Variants in SLC12A3 observed in about 807,000 individuals in gnomAD.
The protein encoded by SLC12A3 is solute carrier family 12 member 3, also known as Na-Cl cotransporter.
Under a neutral mutation model 121.0 loss-of-function variants are expected in SLC12A3, and 104 were observed. That is an observed-to-expected ratio of 0.86 (90% CI 0.73 to 1.01). The LOEUF is 1.01. SLC12A3 is among the 50% of genes least tolerant of loss of function. The pLI, the probability that SLC12A3 is intolerant of heterozygous loss-of-function variation, is 0.00. For synonymous variants in SLC12A3, 536 were observed against 533.4 expected, an observed-to-expected ratio of 1.00 and a Z score of -0.07; for missense variants, 1,328 against 1,356.3, an observed-to-expected ratio of 0.98 and a Z score of 0.33.
At chr16:56,904,976 T>C (rs1202785835) in intron 25 of SLC12A3, 1 of 221,178 alleles carries the variant, frequency 4.5e-6, no homozygotes, top group Non-Finnish European at 9.1e-6. Flanking sequence ...GCAAGCAGAA[T>C]GTGGGATGGA....
intron 10 of SLC12A3, 33 bp downstream of exon 10, chr16:56,879,260 G>T (rs373005982): frequency 1.2e-5 from 20 of 1,613,144 alleles, no homozygotes; most frequent in Non-Finnish European, 1.4e-5. Context: ...ACCAGACACA[G>T]TGGGGGCTGG....
At chr16:56,882,188 C>A (rs2055249674) in intron 12 of SLC12A3, among the ~76,000 whole-genome samples, 1 of 152,180 alleles carries the variant, frequency 6.6e-6, no homozygotes, top group African/African-American at 2.4e-5. Context: ...TGGGCGCTTA[C>A]AGTTTACAAG....
At chr16:56,902,559 C>A (rs748972632) in intron 24 of SLC12A3, 51 bp downstream of exon 24, 3 of 1,604,048 alleles carry the variant, frequency 1.9e-6, no homozygotes, top group East Asian at 2.2e-5. Flanking sequence ...GGGTCAGGGA[C>A]GGGTGTCCTG....
rs150890628 is a variant in SLC12A3, at chr16:56,870,643, C to T, written c.759C>T (p.Ile253=). The T allele has an allele frequency of 6.2e-6, 10 of 1,609,074 alleles. No individual in the cohort carries two copies. The African/African-American group carries it at 6.7e-5, about 11-fold the overall frequency. ...CTCCCCAGGAGTATGGGGCACCCAT[C>T]GTGGACCCCATTAACGACATCCGCA... ...RDLLQEYGAP[I]VDPINDIRII... The change falls in exon 6 of 26, where the codon ATC becomes ATT. Residue 253 remains isoleucine (I), a synonymous_variant. Transcript: ENST00000563236.
intron 8 of SLC12A3, among the ~76,000 whole-genome samples, chr16:56,875,210 A>G (rs945616428): frequency 1.3e-5 from 2 of 152,144 alleles, no homozygotes; most frequent in Non-Finnish European, 2.9e-5. Context: ...ATCCTGTGGG[A>G]CAGCATCCTC....
At chr16:56,879,257 A>G (rs1262745317) in intron 10 of SLC12A3, 30 bp downstream of exon 10, 2 of 1,612,922 alleles carry the variant, frequency 1.2e-6, no homozygotes, top group South Asian at 1.1e-5. Flanking sequence ...CCCACCAGAC[A>G]CAGTGGGGGC....
chr16:56,902,184 A>G, intron 23 of SLC12A3, 189 bp from the exon 24 acceptor site: 1 of 674,130 alleles, frequency 1.5e-6, no homozygotes, highest in Non-Finnish European at 2.5e-6. Context: ...GTGAAAGTTC[A>G]GTTGGATGCC....
At chr16:56,913,209 C>A (rs527245760) in intron 25 of SLC12A3, 55 bp from the exon 26 acceptor site, 2 of 1,611,420 alleles carry the variant, frequency 1.2e-6, no homozygotes, top group South Asian at 2.2e-5. Flanking sequence ...GGGAGCTGGG[C>A]GTGTGGAGCG....
At chr16:56,886,524 C>A in intron 16 of SLC12A3, 49 bp downstream of exon 16, 1 of 1,502,224 alleles carries the variant, frequency 6.7e-7, no homozygotes, top group South Asian at 1.1e-5. Flanking sequence ...GTGGCTCATG[C>A]CTGTAAACCC....
intron 23 of SLC12A3, among the ~76,000 whole-genome samples, 182 bp downstream of exon 23, chr16:56,899,798 G>A (rs1011563712): frequency 7.2e-5 from 11 of 152,208 alleles, no homozygotes; most frequent in African/African-American, 2.4e-4. Context: ...CCCCTCCCTG[G>A]GGCTGAGGGG....
intron 4 of SLC12A3, 50 bp from the exon 5 acceptor site, chr16:56,870,046 C>T: frequency 6.2e-7 from 1 of 1,606,658 alleles, no homozygotes; most frequent in Non-Finnish European, 8.5e-7. Context: ...TGAGTCCACC[C>T]CAGCCAACCG....
At chr16:56,882,536 AG>A in intron 13 of SLC12A3, 39 bp downstream of exon 13, 2 of 1,489,198 alleles carry the variant, frequency 1.3e-6, no homozygotes. Context: ...GGAGGCACCC[AG>A]GGGGCAGGAG....
Position 56,892,976 on chromosome 16 carries a change from G to A in SLC12A3, c.2443G>A (p.Glu815Lys). Residue 815 changes from glutamate to lysine, a missense_variant, in exon 21 of 26, where the codon GAG becomes AAG. Transcript: ENST00000563236. ...ARVDPKALVK[E>K]EQATTIFQSE... ...AGTGGACCCCAAGGCCCTGGTGAAG[G>A]AGGAGCAGGCCACCACCATCTTCCA... is the stretch of plus-strand genomic sequence containing the variant. The A allele has an allele frequency of 6.2e-7, 1 of 1,614,222 alleles. No individual in the cohort carries two copies.
At chr16:56,893,975 A>T (rs781356728) in intron 21 of SLC12A3, among the ~76,000 whole-genome samples, 45 of 51,936 alleles carry the variant, frequency 8.7e-4, no homozygotes, top group African/African-American at 4.2e-3. Context: ...TTTTTATTTT[A>T]TTTATTTATT....
intron 1 of SLC12A3, 61 bp from the exon 2 acceptor site, chr16:56,867,009 G>A (rs1964370062): frequency 6.3e-7 from 1 of 1,598,356 alleles, no homozygotes; most frequent in Non-Finnish European, 8.5e-7. Flanking sequence ...CAGTGGGCTG[G>A]ATGCAGAGAC....
In SLC12A3 at chr16:56,880,179, G is replaced by C. The variant is rs1274452780; in HGVS notation, c.1493G>C (p.Gly498Ala). 1 of 1,604,082 alleles carries C rather than the reference G, an allele frequency of 6.2e-7. No individual in the cohort carries two copies. Among genetic ancestry groups the C allele is most frequent in the Non-Finnish European group, 8.5e-7 (1 of 1,176,340 alleles). Residue 498 changes from glycine (G) to alanine (A), a missense_variant, in exon 12 of 26, where the codon GGC (glycine) becomes GCC (alanine). By Grantham distance (60) the Gly-to-Ala change is moderately conservative. Coordinates refer to ENST00000563236, the MANE Select transcript of SLC12A3 (RefSeq NM_001126108.2). The stretch of plus-strand genomic sequence containing the variant: ...CCACTGATCGGCTTCTTCGGCAAAG[G>C]CTATGGCAAGAACAAGGAGCCCGTG... Reference protein sequence around the residue: ...LYPLIGFFGKGYGKNKEPVRG... With the variant: ...LYPLIGFFGKAYGKNKEPVRG...
intron 24 of SLC12A3, 149 bp from the exon 25 acceptor site, chr16:56,904,246 A>T: frequency 1.3e-6 from 1 of 773,784 alleles, no homozygotes; most frequent in Non-Finnish European, 2.3e-6. Context: ...CTTCCTGGAG[A>T]CAGGAGACTC....
At chr16:56,902,331 G>A (rs749447568) in intron 23 of SLC12A3, 42 bp from the exon 24 acceptor site, 3 of 1,613,542 alleles carry the variant, frequency 1.9e-6, no homozygotes, top group Middle Eastern at 1.7e-4. Flanking sequence ...TAGAAATGGG[G>A]TTATCGTCTC....
intron 25 of SLC12A3, among the ~76,000 whole-genome samples, chr16:56,911,453 G>A (rs1888012377): frequency 1.3e-5 from 2 of 151,856 alleles, no homozygotes; most frequent in African/African-American, 4.9e-5. Context: ...GCATCCTGAG[G>A]AGCTGGGACC....
Sources: gnomAD v4.1 joint callset for allele counts (sites outside exome capture counted in the v4.1 genomes callset) on GRCh38, gnomAD v4.1.1 for gene constraint, MANE v1.5 for transcripts, NCBI Gene and HGNC (gene_info 2026-07-23, HGNC 2026-07-21) for gene names.